Variants in MYH14 observed in about 807,000 individuals in gnomAD.
MYH14 encodes myosin heavy chain 14.
In MYH14, 123 loss-of-function variants were observed where a neutral mutation model predicts 255.5. The ratio of observed to expected loss-of-function variants is 0.48; its 90% CI spans 0.42 to 0.56. The LOEUF (loss-of-function observed/expected upper bound fraction) is 0.56, where lower values mean the gene tolerates loss of function less well. MYH14 is among the 20% of genes least tolerant of loss of function. The pLI is 0.00. For missense variants in MYH14, 2,423 were observed against 2,802.3 expected (o/e 0.86, Z 3.06); for synonymous variants, 1,095 against 1,161.2 (o/e 0.94, Z 1.16).
chr19:50,281,846 G>A lies in MYH14; in HGVS notation c.4539+4G>A. 2.5e-6 allele frequency: 4 copies of A among 1,607,866 alleles called. No homozygotes were observed. Among genetic ancestry groups the A allele is most frequent in the Non-Finnish European group, 3.4e-6 (4 of 1,175,882 alleles). On this transcript the variant is annotated splice_donor_region_variant and intron_variant, in intron 33 of 42. Transcript: ENST00000642316. The stretch of plus-strand genomic sequence containing the variant: ...GAAGCAGCGCAAGTTTGACCAGGTG[G>A]GGCACCTCAGTTCACCCAGCCGGGG...
chr19:50,254,814 A>AT (rs2034533132), intron 16 of MYH14, among the ~76,000 whole-genome samples: 1 of 152,202 alleles, frequency 6.6e-6, no homozygotes, highest in African/African-American at 2.4e-5. Context: ...AGCCCAGGGA[A>AT]AAACGGAAAT....
intron 34 of MYH14, among the ~76,000 whole-genome samples, chr19:50,287,437 G>A (rs951991490): frequency 6.6e-6 from 1 of 152,148 alleles, no homozygotes; most frequent in Non-Finnish European, 1.5e-5. Flanking sequence ...TTTTGAGATA[G>A]GGTCTTGCTC....
At chr19:50,271,693 A>G (rs2035307634) in intron 25 of MYH14, 147 bp downstream of exon 25, 1 of 1,442,792 alleles carries the variant, frequency 6.9e-7, no homozygotes, top group African/African-American at 1.4e-5. Context: ...CCCCAAGGGA[A>G]TGGGAAGGAG....
At chr19:50,236,662 TAA>T (rs2033672255) in intron 10 of MYH14, among the ~76,000 whole-genome samples, 9 of 147,320 alleles carry the variant, frequency 6.1e-5, no homozygotes, top group Admixed American at 4.7e-4. Context: ...GAGCCAAGAT[TAA>T]GCCACTGCAC....
At chr19:50,219,715 G>T (rs2032711583) in intron 3 of MYH14, among the ~76,000 whole-genome samples, 1 of 150,716 alleles carries the variant, frequency 6.6e-6, no homozygotes, top group Non-Finnish European at 1.5e-5. Context: ...CTGAACAAGG[G>T]TATCCATCCA....
chr19:50,260,608 G>C, intron 19 of MYH14, 38 bp from the exon 20 acceptor site: 1 of 1,514,036 alleles, frequency 6.6e-7, no homozygotes, highest in Non-Finnish European at 9.2e-7. Context: ...AGCGTTTGCT[G>C]TAACTCTCTC....
In MYH14 at chr19:50,250,634, G is replaced by T; in HGVS notation, c.1776G>T (p.Arg592=). The change falls in exon 15 of 43, where the codon CGG becomes CGT. Residue 592 remains arginine, a synonymous_variant. Coordinates refer to ENST00000642316, the MANE Select transcript of MYH14 (RefSeq NM_001145809.2). This position sits in a 1 kb window ranked among gnomAD's most constrained non-coding sequence, Gnocchi z 5.4. ...QEQGGHPKFQ[R]PRHLRDQADF... ...AGGGCGGCCACCCCAAGTTCCAGCGGCCGAGGCACCTGCGGGATCAGGCCG... is the reference window on the plus strand; with the variant it reads ...AGGGCGGCCACCCCAAGTTCCAGCGTCCGAGGCACCTGCGGGATCAGGCCG... 1.9e-6 allele frequency: 3 copies of T among 1,614,010 alleles called. No individual in the cohort carries two copies. Among genetic ancestry groups the T allele is most frequent in the Non-Finnish European group, 2.5e-6 (3 of 1,179,894 alleles).
At chr19:50,220,687 G>T (rs1021371431) in intron 3 of MYH14, among the ~76,000 whole-genome samples, 21 of 152,020 alleles carry the variant, frequency 1.4e-4, no homozygotes, top group Non-Finnish European at 2.6e-4. Flanking sequence ...CGAGTGGCTG[G>T]GACTACAGGC....
chr19:50,251,825 G>A (rs1360339424), intron 15 of MYH14, among the ~76,000 whole-genome samples: 6 of 152,068 alleles, frequency 3.9e-5, no homozygotes, highest in South Asian at 2.1e-4. Context: ...TGATCCACCC[G>A]CATAGGCCTC....
chr19:50,230,008 G>A lies in MYH14; in HGVS notation c.875-517G>A, dbSNP rs762354898. ...CGGCTCACTGCAACCTCCTCCTCCC[G>A]GGTTCAAGCGATTCTCCTGCCTCAG... On this transcript the variant is annotated intron_variant, in intron 8 of 42. Transcript: ENST00000642316. This position sits in a 1 kb window ranked among gnomAD's most constrained non-coding sequence, Gnocchi z 4.7. Among the ~76,000 whole-genome samples, 1 of 152,086 alleles carries A rather than the reference G, an allele frequency of 6.6e-6. No individual in the cohort carries two copies. The highest frequency in any genetic ancestry group is 6.6e-5 in the Admixed American group (1 of 15,262).
chr19:50,214,580 G>C (rs746741655), intron 2 of MYH14, among the ~76,000 whole-genome samples: 3 of 152,144 alleles, frequency 2.0e-5, no homozygotes, highest in African/African-American at 7.2e-5. Context: ...GTTAAAAGCC[G>C]CATTTTCCAG....
intron 39 of MYH14, among the ~76,000 whole-genome samples, chr19:50,294,119 A>C (rs1601046083): frequency 6.6e-6 from 1 of 152,290 alleles, no homozygotes; most frequent in East Asian, 1.9e-4. Flanking sequence ...CCCAGATCCT[A>C]TTCCGGGTTA....
At chr19:50,246,913 C>T in intron 11 of MYH14, 91 bp from the exon 12 acceptor site, 1 of 886,382 alleles carries the variant, frequency 1.1e-6, no homozygotes, top group Admixed American at 2.1e-5. Context: ...TTCTGCTCCC[C>T]CAACAGTGTG....
chr19:50,284,015 T>C (rs1242562144), intron 33 of MYH14, among the ~76,000 whole-genome samples: 1 of 151,088 alleles, frequency 6.6e-6, no homozygotes, highest in Non-Finnish European at 1.5e-5. Context: ...GAGGTTGTGG[T>C]GAGCCGAGAT....
At position 50,276,060 on chromosome 19, in the gene MYH14, C is replaced by T. The variant is rs559356437; in HGVS notation, c.3537C>T (p.Ala1179=). ...KSLREAQAAL[A]EAQEDLESER... ...TGCGGGAGGCTCAAGCAGCCCTGGC[C>T]GAGGCCCAGGAGGACCTGGAGTCTG... The change falls in exon 28 of 43, where the codon GCC becomes GCT. Residue 1179 remains alanine, a synonymous_variant. Transcript: ENST00000642316. This position sits in a 1 kb window ranked among gnomAD's most constrained non-coding sequence, Gnocchi z 4.3. The T allele has an allele frequency of 4.7e-5, 76 of 1,611,932 alleles. 1 individual carries two copies. In the Admixed American group the frequency reaches 8.4e-4, roughly 18 times the overall value.
rs145803421 is a variant in MYH14 at position 50,240,315 on chromosome 19, A to T, written c.1115-3927A>T. 5.3e-4 allele frequency among the ~76,000 whole-genome samples: 81 copies of T among 152,322 alleles called. No homozygotes were observed. The East Asian group carries it at 0.014, about 25-fold the overall frequency. On this transcript the variant is annotated intron_variant, in intron 10 of 42. Coordinates refer to ENST00000642316, the MANE Select transcript of MYH14 (RefSeq NM_001145809.2). ...CTATGCTACGCCGGCACGGTGGCTT[A>T]TGCCTGTAATCCCAGCACTTTGGGA...
At chr19:50,237,495 T>G (rs12976594) in intron 10 of MYH14, among the ~76,000 whole-genome samples, 2 of 152,168 alleles carry the variant, frequency 1.3e-5, no homozygotes, top group Non-Finnish European at 2.9e-5. Flanking sequence ...CCGCTAACTT[T>G]TTTTGTATTT....
intron 37 of MYH14, among the ~76,000 whole-genome samples, chr19:50,292,917 G>A (rs1189285207): frequency 2.0e-5 from 3 of 151,866 alleles, no homozygotes; most frequent in African/African-American, 7.3e-5. Context: ...CGGAGGAGGG[G>A]AGGAGAGCAC....
At position 50,286,598 on chromosome 19, in the gene MYH14, G is replaced by A. The variant is rs555543917; in HGVS notation, c.4656G>A (p.Glu1552=). 21 of 1,606,320 alleles carry A rather than the reference G, an allele frequency of 1.3e-5. 1 individual carries two copies. The South Asian group carries it at 2.0e-4, about 15-fold the overall frequency. ...RALSLTRALE[E]EQEAREELER... ...TGTCACTGACACGGGCACTGGAGGA[G>A]GAGCAGGAGGCACGTGAGGAGCTGG... Residue 1552 remains glutamate (E), a synonymous_variant, in exon 34 of 43, where the codon GAG becomes GAA. Coordinates refer to ENST00000642316, the MANE Select transcript of MYH14 (RefSeq NM_001145809.2).
Sources: gnomAD v4.1 joint callset for allele counts (sites outside exome capture counted in the v4.1 genomes callset) on GRCh38, gnomAD v4.1.1 for gene constraint, Gnocchi (gnomAD v3.1) non-coding constraint, MANE v1.5 for transcripts, NCBI Gene and HGNC (gene_info 2026-07-23, HGNC 2026-07-21) for gene names.